Variants in PCDHA2 observed in about 807,000 individuals in gnomAD.
The protein encoded by PCDHA2 is protocadherin alpha 2.
In PCDHA2, 58 loss-of-function variants were observed where a neutral mutation model predicts 66.0. The ratio of observed to expected loss-of-function variants is 0.88; its 90% CI spans 0.71 to 1.09. PCDHA2 has a LOEUF of 1.09. PCDHA2 is among the 50% of genes least tolerant of loss of function. The pLI is 0.00. For missense variants in PCDHA2, 1,267 were observed against 1,242.3 expected (o/e 1.02, Z -0.30); for synonymous variants, 634 against 554.0 (o/e 1.14, Z -2.03).
chr5:140,827,116 T>C (rs1554130718), intron 1 of PCDHA2, among the ~76,000 whole-genome samples: 1 of 152,148 alleles, frequency 6.6e-6, no homozygotes, highest in Non-Finnish European at 1.5e-5. Context: ...TAGGTGAAAG[T>C]GACAATTAGA....
chr5:140,796,751 C>T lies in PCDHA2; in HGVS notation c.1787C>T (p.Ala596Val), dbSNP rs782526006. 6.2e-7 allele frequency: 1 copy of T among 1,614,148 alleles called. No homozygotes were observed. The highest frequency in any genetic ancestry group is 1.7e-5 in the Admixed American group (1 of 60,028). Residue 596 changes from alanine (A) to valine (V), a missense_variant, in exon 1 of 4, where the codon GCA (alanine) becomes GTA (valine). Physicochemically the swap from Ala to Val is moderately conservative, Grantham distance 64. Coordinates refer to ENST00000526136, the MANE Select transcript of PCDHA2 (RefSeq NM_018905.3). ...GGGCACGTGGTGGCGAAGGTGCGCG[C>T]AGTGGACGCTGACTCAGGCTACAAC... Reference protein sequence around the residue: ...GAGHVVAKVRAVDADSGYNAW... With the variant: ...GAGHVVAKVRVVDADSGYNAW...
chr5:140,799,340 A>G (rs1167300688), intron 1 of PCDHA2, among the ~76,000 whole-genome samples: 1 of 152,140 alleles, frequency 6.6e-6, no homozygotes, highest in East Asian at 1.9e-4. Flanking sequence ...GCAGTATTAC[A>G]ATAAGTTGTC....
intron 1 of PCDHA2, chr5:140,862,974 T>G: frequency 1.8e-6 from 1 of 545,638 alleles, no homozygotes; most frequent in Non-Finnish European, 3.6e-6. Flanking sequence ...GCAGGCCACT[T>G]GGTGGCGAAG....
intron 1 of PCDHA2, chr5:140,854,476 A>G (rs1156843367): frequency 6.7e-6 from 1 of 150,032 alleles, no homozygotes. Flanking sequence ...GTAGAGAAGT[A>G]TAGAAACAGA....
chr5:140,806,820 A>G (rs1013977345), intron 1 of PCDHA2: 14 of 228,540 alleles, frequency 6.1e-5, no homozygotes, highest in African/African-American at 2.7e-4. Flanking sequence ...AGTTGCCCCT[A>G]TGGCGAAACT....
At chr5:140,881,244 CG>C in intron 1 of PCDHA2, 1 of 397,012 alleles carries the variant, frequency 2.5e-6, no homozygotes, top group Non-Finnish European at 3.4e-6. Flanking sequence ...ATTTAAATGA[CG>C]GCAAGGTTTT....
chr5:140,855,100 C>G (rs1054682058), intron 1 of PCDHA2, among the ~76,000 whole-genome samples: 2 of 149,782 alleles, frequency 1.3e-5, no homozygotes, highest in Non-Finnish European at 3.0e-5. Flanking sequence ...TGTGCAGTAG[C>G]AATAATTAAG....
chr5:140,966,957 C>T lies in PCDHA2; in HGVS notation c.2389-11992C>T, dbSNP rs868948639. 4 of 1,602,884 alleles carry T rather than the reference C, an allele frequency of 2.5e-6. No individual in the cohort carries two copies. The African/African-American group carries it at 4.0e-5, about 16-fold the overall frequency. ...GCGCTCGTGGGCAACGTGGCTCGCG[C>T]GCTGGGGCTTGAGCTGCGGCGCTTG... On this transcript the variant is annotated intron_variant, in intron 1 of 3. Transcript: ENST00000526136.
chr5:140,876,087 G>A, intron 1 of PCDHA2: 4 of 1,613,922 alleles, frequency 2.5e-6, no homozygotes, highest in Non-Finnish European at 2.5e-6. Context: ...GAGAGCAAAC[G>A]CCAAAACTCA....
chr5:140,807,376 G>T (rs553258055), intron 1 of PCDHA2: 6 of 1,606,150 alleles, frequency 3.7e-6, no homozygotes, highest in African/African-American at 2.7e-5. Context: ...TGCCGCGCCT[G>T]TTCCGGGTGG....
chr5:140,870,263 C>T (rs1581940012), intron 1 of PCDHA2: 2 of 1,614,182 alleles, frequency 1.2e-6, no homozygotes, highest in East Asian at 4.5e-5. Flanking sequence ...GTGACCTGCT[C>T]GCTGACGCCC....
At chr5:140,882,577 C>A (rs370671644) in intron 1 of PCDHA2, 3 of 1,614,238 alleles carry the variant, frequency 1.9e-6, no homozygotes, top group South Asian at 2.2e-5. Flanking sequence ...CGGAGTGCAG[C>A]ATCCACCTGG....
chr5:140,877,201 G>T, intron 1 of PCDHA2: 1 of 1,613,830 alleles, frequency 6.2e-7, no homozygotes, highest in South Asian at 1.1e-5. Flanking sequence ...AGGAGGCGCA[G>T]TTAGCGAGTT....
chr5:140,796,085 T>A lies in PCDHA2; in HGVS notation c.1121T>A (p.Val374Glu). The change falls in exon 1 of 4, where the codon GTG becomes GAG. Residue 374 changes from valine to glutamate, a missense_variant. Val to Glu is a moderately radical substitution (Grantham distance 121). Coordinates refer to ENST00000526136, the MANE Select transcript of PCDHA2 (RefSeq NM_018905.3). ...SLGTVIALITVSDRDSGTNGH... is the reference protein window; with the variant it reads ...SLGTVIALITESDRDSGTNGH... ...GGCACTGTCATTGCTCTCATCACGG[T>A]GTCGGATCGCGACTCTGGTACGAAT... 1.2e-6 allele frequency: 2 copies of A among 1,614,226 alleles called. No individual in the cohort carries two copies. Among genetic ancestry groups the A allele is most frequent in the Non-Finnish European group, 1.7e-6 (2 of 1,180,040 alleles).
intron 1 of PCDHA2, chr5:140,876,687 C>CA (rs2056504367): frequency 1.2e-6 from 2 of 1,614,212 alleles, no homozygotes; most frequent in Non-Finnish European, 1.7e-6. Context: ...AGAATTACTA[C>CA]TCGTTGGTGC....
intron 1 of PCDHA2, among the ~76,000 whole-genome samples, chr5:140,922,677 G>C (rs545719033): frequency 6.6e-6 from 1 of 152,306 alleles, no homozygotes; most frequent in Admixed American, 6.5e-5. Flanking sequence ...CAGTAAAAAA[G>C]TGAACAGGCT....
intron 1 of PCDHA2, among the ~76,000 whole-genome samples, chr5:140,799,271 A>G (rs1426583830): frequency 1.3e-5 from 2 of 152,116 alleles, no homozygotes; most frequent in African/African-American, 4.8e-5. Context: ...ACTCTGCTAT[A>G]AATTCTCATG....
intron 1 of PCDHA2, among the ~76,000 whole-genome samples, chr5:140,956,551 C>G (rs995941205): frequency 1.3e-5 from 2 of 152,148 alleles, no homozygotes; most frequent in Non-Finnish European, 2.9e-5. Flanking sequence ...ATTTGGTTTG[C>G]CAGTATCTTA....
chr5:140,969,389 A>G (rs1554231753), intron 1 of PCDHA2: 8 of 1,592,478 alleles, frequency 5.0e-6, no homozygotes, highest in Admixed American at 1.8e-5. Context: ...ACATCCCCCA[A>G]TATCCTGTGA....
Sources: allele counts gnomAD v4.1 joint callset (sites outside exome capture counted in the v4.1 genomes callset), GRCh38; gene constraint gnomAD v4.1.1; transcripts MANE v1.5; gene names NCBI Gene and HGNC (gene_info 2026-07-23, HGNC 2026-07-21).